KCNC1: variants seen among roughly 807,000 people sequenced by gnomAD.
KCNC1 encodes the protein potassium voltage-gated channel subfamily C member 1, also known as voltage-gated potassium channel KCNC1.
KCNC1 carries 8 observed loss-of-function variants against 43.4 expected under a neutral mutation model. The observed-to-expected ratio is 0.18, with a 90% CI of 0.11 to 0.33. The LOEUF is 0.33. Among genes scored for constraint, KCNC1 ranks in the 10% least tolerant of loss-of-function variants. The pLI, the probability that KCNC1 is intolerant of heterozygous loss-of-function variation, is 1.00. For missense variants in KCNC1, 420 were observed against 836.0 expected, an observed-to-expected ratio of 0.50 and a Z score of 6.14; for synonymous variants, 361 against 360.5, an observed-to-expected ratio of 1.00 and a Z score of -0.01.
At chr11:17,767,838 G>A (rs1479590554) in intron 1 of KCNC1, among the ~76,000 whole-genome samples, 1 of 152,196 alleles carries the variant, frequency 6.6e-6, no homozygotes, top group East Asian at 1.9e-4. Context: ...GGCTTCTGCT[G>A]CCTGCTCCCC....
In KCNC1 at chr11:17,776,853, G is replaced by A; in HGVS notation, c.1505-2603G>A. ...CCACCCCTCTGGAGTTGGGGAGGGA[G>A]AATGCCCCAGTTTCTGAAAGCATCT... On this transcript the variant is annotated intron_variant, in intron 2 of 3. Transcript: ENST00000265969. The surrounding 1 kb of genome is among the most constrained non-coding windows in gnomAD (Gnocchi z 4.4). The A allele has an allele frequency of 4.1e-6, 4 of 985,494 alleles. No individual in the cohort carries two copies. The highest frequency in any genetic ancestry group is 4.8e-6 in the Non-Finnish European group (4 of 830,032). 61.0% of individuals were successfully genotyped at this position (985,494 alleles called of 1,614,324 possible). A position where few individuals can be genotyped will look rare whatever the true frequency, so the allele number is the denominator to read the frequency against.
Position 17,742,129 on chromosome 11 carries a change from C to G in KCNC1, c.570+5557C>G, listed in dbSNP as rs999820073. Among the ~76,000 whole-genome samples the G allele has an allele frequency of 5.3e-5, 8 of 152,174 alleles. No individual in the cohort carries two copies. Among genetic ancestry groups the G allele is most frequent in the Non-Finnish European group, 1.0e-4 (7 of 68,022 alleles). On this transcript the variant is annotated intron_variant, in intron 1 of 3. Coordinates refer to ENST00000265969, the MANE Select transcript of KCNC1 (RefSeq NM_001112741.2). The surrounding 1 kb of genome is among the most constrained non-coding windows in gnomAD (Gnocchi z 4.2). ...AGAGAGGAGTGCTCTACCTGAGGCC[C>G]CTCGTGAGCGGGTTAGCTGAGGGCT...
chr11:17,763,215 G>A (rs1400169388), intron 1 of KCNC1, among the ~76,000 whole-genome samples: 2 of 152,006 alleles, frequency 1.3e-5, no homozygotes, highest in Non-Finnish European at 2.9e-5. Flanking sequence ...TTGAATCCTG[G>A]GATGGAAAGT....
At position 17,760,574 on chromosome 11, in the gene KCNC1, A is replaced by C. The variant is rs143952586; in HGVS notation, c.571-11091A>C. On this transcript the variant is annotated intron_variant, in intron 1 of 3. Coordinates refer to ENST00000265969, the MANE Select transcript of KCNC1 (RefSeq NM_001112741.2). Reference sequence around the variant, plus strand: ...GGGACTGCAGGGGGCACTGTGGGACAGCACACCACACTCCCTAAGGCCTCC... The same window carrying C: ...GGGACTGCAGGGGGCACTGTGGGACCGCACACCACACTCCCTAAGGCCTCC... Among the ~76,000 whole-genome samples, 1,150 of 152,284 alleles carry C rather than the reference A, an allele frequency of 7.6e-3. 19 individuals are homozygous for C. Among genetic ancestry groups the C allele is most frequent in the African/African-American group, 0.026 (1,076 of 41,554 alleles).
chr11:17,757,909 T>C (rs1203511839), intron 1 of KCNC1, among the ~76,000 whole-genome samples: 1 of 152,200 alleles, frequency 6.6e-6, no homozygotes, highest in African/African-American at 2.4e-5. Context: ...ATCAGCGTGG[T>C]GATTGCTGAA....
intron 1 of KCNC1, among the ~76,000 whole-genome samples, chr11:17,753,909 C>T (rs1359172407): frequency 3.3e-5 from 5 of 152,214 alleles, no homozygotes; most frequent in Admixed American, 2.0e-4. Context: ...AGTTCTGCCC[C>T]GTAGACAGGA....
At chr11:17,754,532 C>G (rs1361209595) in intron 1 of KCNC1, among the ~76,000 whole-genome samples, 1 of 152,190 alleles carries the variant, frequency 6.6e-6, no homozygotes, top group Non-Finnish European at 1.5e-5. Flanking sequence ...AGGGAGTAAA[C>G]CATTGTGCCC....
In KCNC1 at chr11:17,773,642, A is replaced by G. The variant is rs1849256015; in HGVS notation, c.1504+1044A>G. 1.0e-6 allele frequency: 1 copy of G among 985,316 alleles called. No homozygotes were observed. The highest frequency in any genetic ancestry group is 1.2e-6 in the Non-Finnish European group (1 of 829,894). 61.0% of individuals were successfully genotyped at this position (985,316 alleles called of 1,614,324 possible). On this transcript the variant is annotated intron_variant, in intron 2 of 3. Transcript: ENST00000265969. The surrounding 1 kb of genome is among the most constrained non-coding windows in gnomAD (Gnocchi z 4.1). Reference sequence around the variant, plus strand: ...TCCATGGCTAGTGGTTTGTTATGGGACTATCTCAGTTTTATGAGAACCTGC... The same window carrying G: ...TCCATGGCTAGTGGTTTGTTATGGGGCTATCTCAGTTTTATGAGAACCTGC...
chr11:17,762,265 G>C (rs755030953), intron 1 of KCNC1, among the ~76,000 whole-genome samples: 14 of 152,134 alleles, frequency 9.2e-5, no homozygotes, highest in Non-Finnish European at 1.6e-4. Context: ...AAACTCCCAG[G>C]CACCTCCCAG....
chr11:17,756,832 G>C (rs1183902310), intron 1 of KCNC1, among the ~76,000 whole-genome samples: 1 of 152,192 alleles, frequency 6.6e-6, no homozygotes, highest in Non-Finnish European at 1.5e-5. Flanking sequence ...CATCATAATG[G>C]GAAGATAAAC....
intron 1 of KCNC1, among the ~76,000 whole-genome samples, chr11:17,743,106 C>A (rs183147975): frequency 1.6e-3 from 244 of 152,270 alleles, no homozygotes; most frequent in South Asian, 2.9e-3. Flanking sequence ...ATTTATATAT[C>A]CTCATTTATT....
In KCNC1 at chr11:17,771,557, C is replaced by T. The variant is rs1273653936; in HGVS notation, c.571-108C>T. 2.2e-6 allele frequency: 2 copies of T among 924,144 alleles called. No homozygotes were observed. Among genetic ancestry groups the T allele is most frequent in the East Asian group, 2.4e-5 (1 of 41,294 alleles). 57.2% of individuals were successfully genotyped at this position (924,144 alleles called of 1,614,324 possible). A position where few individuals can be genotyped will look rare whatever the true frequency, so the allele number is the denominator to read the frequency against. Reference sequence around the variant, plus strand: ...GAAATGTAGCACGTGCTGCAGGGGGCCTGGTGCTGGCATCTCCCCCCGCCT... The same window carrying T: ...GAAATGTAGCACGTGCTGCAGGGGGTCTGGTGCTGGCATCTCCCCCCGCCT... On this transcript the variant is annotated intron_variant, in intron 1 of 3. Coordinates refer to ENST00000265969, the MANE Select transcript of KCNC1 (RefSeq NM_001112741.2). The surrounding 1 kb of genome is among the most constrained non-coding windows in gnomAD (Gnocchi z 4.7).
intron 1 of KCNC1, among the ~76,000 whole-genome samples, chr11:17,751,297 G>T (rs1848966272): frequency 6.6e-6 from 1 of 152,180 alleles, no homozygotes; most frequent in South Asian, 2.1e-4. Context: ...ATGAAAGAAT[G>T]GATAAAAAGA....
intron 1 of KCNC1, among the ~76,000 whole-genome samples, chr11:17,765,013 G>T (rs906812454): frequency 6.6e-6 from 1 of 152,202 alleles, no homozygotes; most frequent in Admixed American, 6.5e-5. Context: ...GCCTCTGGGG[G>T]CCTGGGGCCT....
chr11:17,736,009 C>G lies in KCNC1; in HGVS notation c.7C>G (p.Gln3Glu). The G allele has an allele frequency of 6.7e-7, 1 of 1,489,850 alleles. No homozygotes were observed. The highest frequency in any genetic ancestry group is 8.9e-7 in the Non-Finnish European group (1 of 1,122,190). 92.3% of individuals were successfully genotyped at this position (1,489,850 alleles called of 1,614,324 possible). ...TGCCTAAGGGGGCGCCGCGATGGGC[C>G]AAGGGGACGAGAGCGAGCGCATCGT... MG[Q>E]GDESERIVIN... Residue 3 changes from glutamine (Q) to glutamate (E), a missense_variant, in exon 1 of 4, where the codon CAA becomes GAA. Gln to Glu is a conservative substitution (Grantham distance 29). Around this residue, in one of 5 missense-constraint regions of KCNC1, gnomAD observed 42 missense variants for 81.5 expected, o/e 0.52. Transcript: ENST00000265969. This position sits in a 1 kb window ranked among gnomAD's most constrained non-coding sequence, Gnocchi z 9.3.
intron 1 of KCNC1, chr11:17,765,783 CCT>C (rs1465103451): frequency 6.6e-6 from 1 of 152,268 alleles, no homozygotes; most frequent in Non-Finnish European, 1.5e-5. Context: ...CTTTGTGCCC[CCT>C]GTCAGGCCGG....
In KCNC1 at chr11:17,776,191, C is replaced by CTTTCTCTCTCTCTCCACTAATCATG; in HGVS notation, c.1505-3249_1505-3225dup. On this transcript the variant is annotated intron_variant, in intron 2 of 3. Coordinates refer to ENST00000265969, the MANE Select transcript of KCNC1 (RefSeq NM_001112741.2). The surrounding 1 kb of genome is among the most constrained non-coding windows in gnomAD (Gnocchi z 4.4). The stretch of plus-strand genomic sequence containing the variant: ...TTTCCGTGTTGTTCACATTTTCTCT[C>CTTTCTCTCTCTCTCCACTAATCATG]TTTCTCTCTCTCTCCACTAATCATG... The CTTTCTCTCTCTCTCCACTAATCATG allele has an allele frequency of 2.0e-6, 2 of 985,432 alleles. No homozygotes were observed. The highest frequency in any genetic ancestry group is 2.4e-6 in the Non-Finnish European group (2 of 829,936). 61.0% of individuals were successfully genotyped at this position (985,432 alleles called of 1,614,324 possible).
rs35211986 is a variant in KCNC1 at position 17,739,362 on chromosome 11, CGT to C, written c.570+2826_570+2827del. Among the ~76,000 whole-genome samples, 3,979 of 149,336 alleles carry C rather than the reference CGT, an allele frequency of 0.027. 143 individuals are homozygous for C. The highest frequency in any genetic ancestry group is 0.081 in the African/African-American group (3,236 of 40,178). ...GTGAGAATAAATGTGAGACTCCAGG[CGT>C]GTGTGTGTGTGTGTGTGTGTGTGTG... On this transcript the variant is annotated intron_variant, in intron 1 of 3. Transcript: ENST00000265969. This position sits in a 1 kb window ranked among gnomAD's most constrained non-coding sequence, Gnocchi z 4.2.
In KCNC1 at chr11:17,772,453, A is replaced by G; in HGVS notation, c.1359A>G (p.Pro453=). The change falls in exon 2 of 4, where the codon CCA becomes CCG. Residue 453 remains proline, a synonymous_variant. Transcript: ENST00000265969. ...YSLAMAKQKL[P]KKKKKHIPRP... is the part of the protein sequence containing the mutation. Reference sequence around the variant, plus strand: ...TAGCCATGGCTAAGCAGAAACTACCAAAGAAAAAAAAGAAGCATATTCCGC... The same window carrying G: ...TAGCCATGGCTAAGCAGAAACTACCGAAGAAAAAAAAGAAGCATATTCCGC... The G allele has an allele frequency of 6.2e-7, 1 of 1,614,206 alleles. No homozygotes were observed. Among genetic ancestry groups the G allele is most frequent in the Non-Finnish European group, 8.5e-7 (1 of 1,180,046 alleles).
Sources: gnomAD v4.1 joint callset for allele counts (sites outside exome capture counted in the v4.1 genomes callset) on GRCh38, gnomAD v4.1.1 for gene constraint, gnomAD v4.1.1 regional missense constraint, Gnocchi (gnomAD v3.1) non-coding constraint, MANE v1.5 for transcripts, NCBI Gene and HGNC (gene_info 2026-07-23, HGNC 2026-07-21) for gene names.